The following RTN1 variants were observed in gnomAD, a reference collection of about 807,000 sequenced individuals.
RTN1 encodes the protein reticulon 1, also known as reticulon-1.
A neutral mutation model predicts 65.5 loss-of-function variants in RTN1; 25 were observed. The ratio of observed to expected loss-of-function variants is 0.38; its 90% confidence interval spans 0.28 to 0.53. RTN1 has a LOEUF of 0.53. Among genes scored for constraint, RTN1 ranks in the 20% least tolerant of loss-of-function variants. The probability of loss-of-function intolerance (pLI) is 0.79; values close to 1 mark genes in which losing one functional copy is unlikely to be tolerated. For synonymous variants in RTN1, 471 were observed against 447.6 expected, an observed-to-expected ratio of 1.05 and a Z score of -0.66; for missense variants, 983 against 1,025.4, an observed-to-expected ratio of 0.96 and a Z score of 0.57.
intron 2 of RTN1, among the ~76,000 whole-genome samples, chr14:59,728,551 C>T (rs542468635): frequency 6.6e-5 from 10 of 152,190 alleles, no homozygotes; most frequent in East Asian, 1.9e-4. Context: ...ATAGATGAGA[C>T]GACCTGGGAT....
chr14:59,750,044 ATAT>A (rs1885414213), intron 1 of RTN1, among the ~76,000 whole-genome samples: 1 of 46,248 alleles, frequency 2.2e-5, no homozygotes, highest in Non-Finnish European at 3.9e-5. Flanking sequence ...CATATATTAT[ATAT>A]TATATTATAT....
At chr14:59,681,082 A>T (rs1667921221) in intron 3 of RTN1, among the ~76,000 whole-genome samples, 1 of 152,068 alleles carries the variant, frequency 6.6e-6, no homozygotes, top group Admixed American at 6.5e-5. Context: ...GTGTGTGTCT[A>T]TCTCTATTTC....
At chr14:59,797,597 A>T (rs1886463752) in intron 1 of RTN1, among the ~76,000 whole-genome samples, 1 of 152,218 alleles carries the variant, frequency 6.6e-6, no homozygotes, top group African/African-American at 2.4e-5. Flanking sequence ...ATGGCAGGAC[A>T]TTGGTGATAT....
intron 2 of RTN1, among the ~76,000 whole-genome samples, chr14:59,743,530 T>C (rs1448092726): frequency 1.3e-5 from 2 of 152,134 alleles, no homozygotes; most frequent in African/African-American, 2.4e-5. Flanking sequence ...ACAAGGAAGC[T>C]TGGAAACTCG....
At position 59,795,955 on chromosome 14, in the gene RTN1, T is replaced by G. The variant is rs372806526; in HGVS notation, c.242-49474A>C. 2.4e-4 allele frequency among the ~76,000 whole-genome samples: 36 copies of G among 152,284 alleles called. No individual in the cohort carries two copies. In the South Asian group the frequency reaches 7.5e-3, roughly 32 times the overall value. On this transcript the variant is annotated intron_variant, in intron 1 of 8. Coordinates refer to ENST00000267484, the MANE Select transcript of RTN1 (RefSeq NM_021136.3). The stretch of plus-strand genomic sequence containing the variant: ...AATAATCTACATTATCCAAAAATTA[T>G]GTATTAATCACCAACTATGTCCCAA...
intron 1 of RTN1, among the ~76,000 whole-genome samples, chr14:59,781,232 G>T (rs1264485326): frequency 1.3e-5 from 2 of 151,726 alleles, no homozygotes; most frequent in African/African-American, 4.8e-5. Context: ...CCTTCTGCTT[G>T]TTCACTGAAC....
At chr14:59,818,775 C>A (rs1886867820) in intron 1 of RTN1, among the ~76,000 whole-genome samples, 1 of 152,220 alleles carries the variant, frequency 6.6e-6, no homozygotes, top group Non-Finnish European at 1.5e-5. Context: ...AATTTACATT[C>A]CCATTAGCAG....
intron 3 of RTN1, among the ~76,000 whole-genome samples, chr14:59,726,289 A>G (rs1428053051): frequency 6.6e-6 from 1 of 152,232 alleles, no homozygotes; most frequent in Non-Finnish European, 1.5e-5. Flanking sequence ...ATTCTAAGTA[A>G]TAAGAGACTT....
At chr14:59,635,569 ATTGT>A (rs775369200) in intron 3 of RTN1, among the ~76,000 whole-genome samples, 1 of 152,078 alleles carries the variant, frequency 6.6e-6, no homozygotes, top group Non-Finnish European at 1.5e-5. Context: ...CAGTCCTTTC[ATTGT>A]TTAGGAGGAA....
chr14:59,694,139 A>C (rs1173894556), intron 3 of RTN1, among the ~76,000 whole-genome samples: 1 of 152,230 alleles, frequency 6.6e-6, no homozygotes, highest in African/African-American at 2.4e-5. Flanking sequence ...TTCCTTCTTT[A>C]GCCAGGCATT....
intron 3 of RTN1, among the ~76,000 whole-genome samples, chr14:59,705,438 C>T (rs376020612): frequency 1.3e-5 from 2 of 152,348 alleles, no homozygotes; most frequent in East Asian, 3.9e-4. Flanking sequence ...GCTATCACTA[C>T]AGCATCTGAT....
rs973931276 is a variant in RTN1, at chr14:59,727,430, C to T, written c.1254G>A (p.Glu418=). ...SGDSEIELVS[E]DPMAAEDALP... The stretch of plus-strand genomic sequence containing the variant: ...GCGCGTCCTCCGCGGCCATGGGGTC[C>T]TCGGACACCAGCTCGATCTCTGAGT... Residue 418 remains glutamate (E), a synonymous_variant, in exon 3 of 9, where the codon GAG becomes GAA. Transcript: ENST00000267484. The surrounding 1 kb of genome is among the most constrained non-coding windows in gnomAD (Gnocchi z 4.2). 2 of 1,553,680 alleles carry T rather than the reference C, an allele frequency of 1.3e-6. No homozygotes were observed. The highest frequency in any genetic ancestry group is 1.7e-4 in the Middle Eastern group (1 of 5,992).
intron 3 of RTN1, among the ~76,000 whole-genome samples, chr14:59,717,754 A>G (rs1381423040): frequency 6.6e-6 from 1 of 152,172 alleles, no homozygotes; most frequent in Admixed American, 6.5e-5. Flanking sequence ...CTACTTACCC[A>G]CAAGAACCAT....
chr14:59,857,280 T>C (rs1887625500), intron 1 of RTN1, among the ~76,000 whole-genome samples: 1 of 152,172 alleles, frequency 6.6e-6, no homozygotes, highest in African/African-American at 2.4e-5. Context: ...CTCTATGGCT[T>C]CTCTTCTAAT....
In RTN1 at chr14:59,643,902, T is replaced by A. The variant is rs1346484508; in HGVS notation, c.1766-36410A>T. ...ATGATCCATACTCAAGAAAAAAAAA[T>A]AAAAACTTACTATGACTAGGTCTAG... On this transcript the variant is annotated intron_variant, in intron 3 of 8. Coordinates refer to ENST00000267484, the MANE Select transcript of RTN1 (RefSeq NM_021136.3). 3.4e-5 allele frequency among the ~76,000 whole-genome samples: 5 copies of A among 146,818 alleles called. No individual in the cohort carries two copies. In the East Asian group the frequency reaches 8.1e-4, roughly 24 times the overall value.
chr14:59,781,805 T>C (rs919902917), intron 1 of RTN1, among the ~76,000 whole-genome samples: 4 of 152,188 alleles, frequency 2.6e-5, no homozygotes, highest in African/African-American at 9.7e-5. Flanking sequence ...TGCAAAAATA[T>C]TAAAGTGAAT....
intron 3 of RTN1, among the ~76,000 whole-genome samples, chr14:59,609,425 T>A (rs1257326835): frequency 1.3e-5 from 2 of 152,188 alleles, no homozygotes; most frequent in Non-Finnish European, 2.9e-5. Flanking sequence ...ACCAAATGAT[T>A]TTTCTTTTAG....
intron 1 of RTN1, among the ~76,000 whole-genome samples, chr14:59,792,870 TG>T (rs1483846705): frequency 6.6e-6 from 1 of 152,152 alleles, no homozygotes; most frequent in African/African-American, 2.4e-5. Flanking sequence ...AGCAATTTTT[TG>T]TGTTTGCGGC....
At chr14:59,777,022 G>A (rs1886064678) in intron 1 of RTN1, among the ~76,000 whole-genome samples, 2 of 152,140 alleles carry the variant, frequency 1.3e-5, no homozygotes, top group African/African-American at 4.8e-5. Flanking sequence ...CAACAGGCAA[G>A]CGTTCATTAC....
Sources: allele counts gnomAD v4.1 joint callset (sites outside exome capture counted in the v4.1 genomes callset), GRCh38; gene constraint gnomAD v4.1.1; non-coding constraint Gnocchi (gnomAD v3.1); transcripts MANE v1.5; gene names NCBI Gene and HGNC (gene_info 2026-07-23, HGNC 2026-07-21).